Variants in PPP2R3B observed in about 807,000 individuals in gnomAD.
PPP2R3B encodes serine/threonine-protein phosphatase 2A regulatory subunit B'' subunit beta.
PPP2R3B carries 68 observed loss-of-function variants against 72.9 expected under a neutral mutation model. The ratio of observed to expected loss-of-function variants is 0.93; its 90% CI spans 0.77 to 1.14. PPP2R3B has a LOEUF of 1.14. PPP2R3B is among the 50% of genes most tolerant of loss of function. The probability of loss-of-function intolerance (pLI) is 0.00; values close to 1 mark genes in which losing one functional copy is unlikely to be tolerated. For missense variants in PPP2R3B, 1,018 were observed against 842.0 expected (o/e 1.21, Z -2.59); for synonymous variants, 466 against 375.8 (o/e 1.24, Z -2.78).
At chrX:346,340 A>T in intron 5 of PPP2R3B, 80 bp from the exon 6 acceptor site, 1 of 1,398,582 alleles carries the variant, frequency 7.2e-7, no homozygotes. Flanking sequence ...GAGCCGGGAG[A>T]GGGGCGCGCC....
At chrX:341,544 C>A in intron 8 of PPP2R3B, 148 bp from the exon 9 acceptor site, 1 of 842,878 alleles carries the variant, frequency 1.2e-6, no homozygotes, top group South Asian at 1.5e-5. Context: ...CCTGCCTCTC[C>A]GGGGAGGAGG....
At position 334,114 on chromosome X, in the gene PPP2R3B, C is replaced by G. The variant is rs1013736419; in HGVS notation, c.*253G>C. 7 of 378,294 alleles carry G rather than the reference C, an allele frequency of 1.9e-5. No homozygotes were observed. The highest frequency in any genetic ancestry group is 3.3e-5 in the Non-Finnish European group (7 of 215,302). The allele number at this position is 378,294 out of a possible 1,614,324, so 23.4% of individuals were successfully genotyped here. On this transcript the variant is annotated 3_prime_UTR_variant, in exon 13 of 13. Transcript: ENST00000390665. ...CCCGGAACCCAGGCTGGGTCGGGAA[C>G]GGCAAGCGCCAGAGGGTGTCCGTGT... is the stretch of plus-strand genomic sequence containing the variant.
At position 334,398 on chromosome X, in the gene PPP2R3B, GCGTACT is replaced by G; in HGVS notation, c.1691_1696del (p.Glu564_Tyr565del). On this transcript the variant is annotated inframe_deletion, in exon 13 of 13. Coordinates refer to ENST00000390665, the MANE Select transcript of PPP2R3B (RefSeq NM_013239.5). The stretch of plus-strand genomic sequence containing the variant: ...CGGCTCCAGGTCCTCGTCCCCGCAT[GCGTACT>G]CGTACAGGTCCACGGCGCCCAGCGG... The G allele has an allele frequency of 1.3e-6, 2 of 1,561,232 alleles. No homozygotes were observed. Among genetic ancestry groups the G allele is most frequent in the Non-Finnish European group, 1.7e-6 (2 of 1,160,610 alleles).
At chrX:368,334 G>A (rs2071772631) in intron 1 of PPP2R3B, among the ~76,000 whole-genome samples, 1 of 103,904 alleles carries the variant, frequency 9.6e-6, no homozygotes, top group African/African-American at 4.2e-5. Context: ...CTTGGGCACC[G>A]ACACGGGGAA....
intron 2 of PPP2R3B, among the ~76,000 whole-genome samples, chrX:351,829 C>G (rs746836897): frequency 2.0e-5 from 3 of 152,348 alleles, no homozygotes; most frequent in South Asian, 4.1e-4. Context: ...TCCCAAGTAG[C>G]TGGGACCACA....
rs935408568 is a variant in PPP2R3B at position 334,333 on chromosome X, G to A, written c.*34C>T. ...CGGTGGCCCGGTGGTGGCACGTGGG[G>A]AGCGGCCCCGCGGCGGCGTTCTCGC... On this transcript the variant is annotated 3_prime_UTR_variant, in exon 13 of 13. Transcript: ENST00000390665. 8 of 1,452,114 alleles carry A rather than the reference G, an allele frequency of 5.5e-6. No homozygotes were observed. Among genetic ancestry groups the A allele is most frequent in the Non-Finnish European group, 7.2e-6 (8 of 1,108,084 alleles). 90.0% of individuals were successfully genotyped at this position (1,452,114 alleles called of 1,614,324 possible).
chrX:350,826 G>T (rs2071315425), intron 2 of PPP2R3B, among the ~76,000 whole-genome samples: 1 of 152,198 alleles, frequency 6.6e-6, no homozygotes, highest in African/African-American at 2.4e-5. Flanking sequence ...GCCCGGCCAG[G>T]ACATCTGTCC....
At chrX:337,921 C>T (rs1194186552) in intron 12 of PPP2R3B, 1 of 155,162 alleles carries the variant, frequency 6.4e-6, no homozygotes, top group Non-Finnish European at 1.4e-5. Context: ...CTCAAGAGGA[C>T]CCCAGACCAA....
rs771364526 is a variant in PPP2R3B at position 381,126 on chromosome X, G to A, written c.324+5242C>T. ...TATTTTACAGAGATGGGGGAGTCTC[G>A]CTATGTTGCCCAGGCTGGGCTCAAA... On this transcript the variant is annotated intron_variant, in intron 1 of 12. Coordinates refer to ENST00000390665, the MANE Select transcript of PPP2R3B (RefSeq NM_013239.5). Among the ~76,000 whole-genome samples, 16 of 152,080 alleles carry A rather than the reference G, an allele frequency of 1.1e-4. No homozygotes were observed. In the East Asian group the frequency reaches 2.5e-3, roughly 24 times the overall value.
chrX:338,418 A>G, intron 12 of PPP2R3B, 186 bp downstream of exon 12: 3 of 642,366 alleles, frequency 4.7e-6, no homozygotes, highest in East Asian at 5.5e-5. Flanking sequence ...CGGCCCTGTC[A>G]TCGGCTGTCC....
At chrX:364,330 C>G (rs1319229013) in intron 1 of PPP2R3B, among the ~76,000 whole-genome samples, 2 of 152,058 alleles carry the variant, frequency 1.3e-5, no homozygotes, top group East Asian at 3.9e-4. Context: ...CTACAGCCGA[C>G]TCTCCTGCAG....
At chrX:383,431 T>C (rs2072167396) in intron 1 of PPP2R3B, among the ~76,000 whole-genome samples, 1 of 152,174 alleles carries the variant, frequency 6.6e-6, no homozygotes, top group Non-Finnish European at 1.5e-5. Context: ...CAGGCTTCCG[T>C]AGTATTCTCG....
intron 12 of PPP2R3B, chrX:336,743 G>A (rs963364429): frequency 1.3e-5 from 2 of 152,200 alleles, no homozygotes; most frequent in Non-Finnish European, 2.9e-5. Flanking sequence ...AACTGGAAAC[G>A]GGAACCTTAA....
chrX:349,491 C>T (rs1053490996), intron 2 of PPP2R3B, among the ~76,000 whole-genome samples: 1 of 152,150 alleles, frequency 6.6e-6, no homozygotes, highest in African/African-American at 2.4e-5. Flanking sequence ...ACAGTGTCAC[C>T]ACCAAGGCCG....
intron 2 of PPP2R3B, among the ~76,000 whole-genome samples, chrX:360,521 A>G (rs1234038085): frequency 3.3e-5 from 5 of 152,290 alleles, no homozygotes; most frequent in African/African-American, 1.2e-4. Flanking sequence ...GTGACAGAGC[A>G]AGACTTTGTC....
chrX:367,881 G>A (rs1368051206), intron 1 of PPP2R3B, among the ~76,000 whole-genome samples: 1 of 152,236 alleles, frequency 6.6e-6, no homozygotes, highest in Non-Finnish European at 1.5e-5. Context: ...CAGGCAGACA[G>A]TAGAGAAAGC....
intron 2 of PPP2R3B, among the ~76,000 whole-genome samples, chrX:351,990 G>C (rs1253517593): frequency 6.6e-6 from 1 of 152,218 alleles, no homozygotes; most frequent in African/African-American, 2.4e-5. Flanking sequence ...ACTGCAACCA[G>C]AGACAGCTGC....
At chrX:334,799 CT>C (rs1459868179) in intron 12 of PPP2R3B, 3 of 379,184 alleles carry the variant, frequency 7.9e-6, no homozygotes, top group Non-Finnish European at 1.4e-5. Context: ...GGGCGCGCCT[CT>C]TCCCCAAAGC....
At chrX:346,346 G>C (rs751941807) in intron 5 of PPP2R3B, 86 bp from the exon 6 acceptor site, 1 of 1,368,088 alleles carries the variant, frequency 7.3e-7, no homozygotes, top group Non-Finnish European at 1.0e-6. Context: ...GGAGAGGGGC[G>C]CGCCCTTGGT....
Sources: gnomAD v4.1 joint callset for allele counts (sites outside exome capture counted in the v4.1 genomes callset) on GRCh38, gnomAD v4.1.1 for gene constraint, MANE v1.5 for transcripts, NCBI Gene and HGNC (gene_info 2026-07-23, HGNC 2026-07-21) for gene names.